FBXO27: variants seen among roughly 807,000 people sequenced by gnomAD.
The protein encoded by FBXO27 is F-box only protein 27.
In FBXO27, 28 loss-of-function variants were observed where a neutral mutation model predicts 28.3. The ratio of observed to expected loss-of-function variants is 0.99; its 90% CI spans 0.73 to 1.36. The LOEUF is 1.36. FBXO27 is among the 40% of genes most tolerant of loss of function. The pLI is 0.00. For missense variants in FBXO27, 388 were observed against 394.1 expected, an observed-to-expected ratio of 0.98 and a Z score of 0.13; for synonymous variants, 175 against 167.3, an observed-to-expected ratio of 1.05 and a Z score of -0.36.
intron 2 of FBXO27, among the ~76,000 whole-genome samples, chr19:39,010,146 T>A (rs2072788106): frequency 6.6e-6 from 1 of 151,264 alleles, no homozygotes; most frequent in East Asian, 1.9e-4. Flanking sequence ...AAATTTACTT[T>A]TTTTTTTCCT....
intron 2 of FBXO27, among the ~76,000 whole-genome samples, chr19:39,007,080 A>AC (rs1555756543): frequency 0.015 from 2,042 of 138,454 alleles, 175 homozygotes; most frequent in African/African-American, 0.058. Flanking sequence ...AAAAAAAAAT[A>AC]CAGAAAAGTA....
At chr19:39,030,052 G>C (rs1248014806) in intron 4 of FBXO27, among the ~76,000 whole-genome samples, 1 of 152,100 alleles carries the variant, frequency 6.6e-6, no homozygotes. Context: ...ATGCTGGCCA[G>C]GCTGGTCTCG....
chr19:39,011,153 G>A (rs1419681288), intron 2 of FBXO27, among the ~76,000 whole-genome samples: 4 of 152,236 alleles, frequency 2.6e-5, no homozygotes, highest in South Asian at 2.1e-4. Context: ...ACAAGTGGCC[G>A]GGTGCAGTGG....
chr19:39,027,888 G>A (rs916920548), intron 4 of FBXO27, among the ~76,000 whole-genome samples: 43 of 152,088 alleles, frequency 2.8e-4, no homozygotes, highest in Non-Finnish European at 5.6e-4. Flanking sequence ...TGTCAGAAGC[G>A]AGGATGGTCT....
downstream of FBXO27, among the ~76,000 whole-genome samples, chr19:39,020,038 C>A (rs1352231943): frequency 1.3e-5 from 2 of 152,116 alleles, no homozygotes; most frequent in African/African-American, 4.8e-5. Context: ...CAGGCAGGAG[C>A]CACACCTCGC....
At chr19:39,008,544 T>A (rs1167326080) in intron 2 of FBXO27, among the ~76,000 whole-genome samples, 1 of 152,148 alleles carries the variant, frequency 6.6e-6, no homozygotes, top group Non-Finnish European at 1.5e-5. Flanking sequence ...CATTTAAAAA[T>A]GTATATAATT....
chr19:39,006,527 C>T (rs971053813), intron 2 of FBXO27, among the ~76,000 whole-genome samples: 10 of 152,014 alleles, frequency 6.6e-5, no homozygotes, highest in Non-Finnish European at 1.5e-4. Context: ...CCACTGAACA[C>T]CAGCCTGGGC....
chr19:39,017,662 C>CAA (rs58873231), intron 1 of FBXO27, among the ~76,000 whole-genome samples: 75,792 of 140,868 alleles, frequency 0.54, 20,155 homozygotes, highest in Middle Eastern at 0.59. Context: ...GAGACTGTCT[C>CAA]AAAAAAAAAA....
chr19:39,022,687 G>A (rs762001346), downstream of FBXO27, among the ~76,000 whole-genome samples: 14 of 152,152 alleles, frequency 9.2e-5, no homozygotes, highest in Non-Finnish European at 1.5e-4. Context: ...AGCGATCTTG[G>A]ATCACTGCAA....
Position 39,031,241 on chromosome 19 carries a change from G to C in FBXO27, c.444C>G (p.Ala148=), listed in dbSNP as rs148257967. 2 of 1,614,090 alleles carry C rather than the reference G, an allele frequency of 1.2e-6. No individual in the cohort carries two copies. The highest frequency in any genetic ancestry group is 2.2e-5 in the East Asian group (1 of 44,878). The part of the protein sequence containing the change: ...VEENRTTVPG[A]PSQTCFVTSF... ...AAGTCACGAAGCACGTCTGAGAAGG[G>C]GCCCCAGGCACGGTTGTCCTGTTTT... is the stretch of plus-strand genomic sequence containing the variant. Residue 148 remains alanine (A), a synonymous_variant, in exon 3 of 6, where the codon GCC becomes GCG. Coordinates refer to ENST00000292853, the MANE Select transcript of FBXO27 (RefSeq NM_178820.5).
In FBXO27 at chr19:39,031,272, A is replaced by C. The variant is rs767112070; in HGVS notation, c.413T>G (p.Val138Gly). ...AGGCACGGTTGTCCTGTTTTCCTCC[A>C]CCACCCAGCCGTCCCCACCGTGTTG... ...MVQHGGDGWVVEENRTTVPGA... is the reference protein window; with the variant it reads ...MVQHGGDGWVGEENRTTVPGA... Residue 138 changes from valine to glycine, a missense_variant, in exon 3 of 6, where the codon GTG (valine) becomes GGG (glycine). Transcript: ENST00000292853. The C allele has an allele frequency of 7.4e-6, 12 of 1,613,818 alleles. No individual in the cohort carries two copies. Among genetic ancestry groups the C allele is most frequent in the Non-Finnish European group, 8.5e-6 (10 of 1,179,940 alleles).
chr19:39,022,495 G>T (rs958790849), downstream of FBXO27, among the ~76,000 whole-genome samples: 2 of 151,848 alleles, frequency 1.3e-5, no homozygotes, highest in African/African-American at 4.8e-5. Flanking sequence ...CACCCAGGCT[G>T]GAGTGCAGTG....
At chr19:39,009,805 G>A (rs374561344) in intron 2 of FBXO27, among the ~76,000 whole-genome samples, 29 of 151,318 alleles carry the variant, frequency 1.9e-4, no homozygotes, top group African/African-American at 6.6e-4. Context: ...TTTTTTTTTT[G>A]TTGTTGTTGT....
At chr19:39,017,574 A>G (rs762420694) in intron 1 of FBXO27, among the ~76,000 whole-genome samples, 2 of 151,564 alleles carry the variant, frequency 1.3e-5, no homozygotes, top group African/African-American at 2.4e-5. Flanking sequence ...ACGTGCCTGT[A>G]ATGCCACTTA....
intron 5 of FBXO27, among the ~76,000 whole-genome samples, chr19:39,026,106 G>C (rs2072871783): frequency 6.6e-6 from 1 of 152,132 alleles, no homozygotes; most frequent in South Asian, 2.1e-4. Context: ...ATGATGCTCA[G>C]TGACTTTGGC....
intron 1 of FBXO27, among the ~76,000 whole-genome samples, chr19:39,018,371 A>G (rs966835637): frequency 1.3e-5 from 2 of 152,224 alleles, no homozygotes; most frequent in African/African-American, 4.8e-5. Flanking sequence ...GAAGTGTTGT[A>G]TCAGCTTAAA....
At position 39,031,995 on chromosome 19, in the gene FBXO27, G is replaced by C; in HGVS notation, c.233C>G (p.Thr78Ser). 2 of 1,517,242 alleles carry C rather than the reference G, an allele frequency of 1.3e-6. No homozygotes were observed. The highest frequency in any genetic ancestry group is 5.3e-5 in the East Asian group (2 of 37,820). 94.0% of individuals were successfully genotyped at this position (1,517,242 alleles called of 1,614,324 possible). A position where few individuals can be genotyped will look rare whatever the true frequency, so the allele number is the denominator to read the frequency against. Residue 78 changes from threonine (T) to serine (S), a missense_variant, in exon 2 of 6, where the codon ACC (threonine) becomes AGC (serine). Physicochemically the swap from Thr to Ser is moderately conservative, Grantham distance 58. Coordinates refer to ENST00000292853, the MANE Select transcript of FBXO27 (RefSeq NM_178820.5). ...LLILARDHGATGRALLHLARS... is the reference protein window; with the variant it reads ...LLILARDHGASGRALLHLARS... ...GGCGAGGTGCAGCAGCGCGCGGCCGGTGGCGCCGTGGTCGCGGGCCAGGAT... is the reference window on the plus strand; with the variant it reads ...GGCGAGGTGCAGCAGCGCGCGGCCGCTGGCGCCGTGGTCGCGGGCCAGGAT...
intron 2 of FBXO27, among the ~76,000 whole-genome samples, chr19:39,012,406 A>G (rs1469397219): frequency 2.9e-5 from 4 of 137,036 alleles, no homozygotes; most frequent in East Asian, 2.3e-4. Flanking sequence ...CTGGTCTCAA[A>G]CTCCCGACCT....
In FBXO27 at chr19:39,011,440, AT is replaced by A. The variant is rs890135674; in HGVS notation, c.252+2946del. The stretch of plus-strand genomic sequence containing the variant: ...GAGCGAAACTCTCTCTCTCAAAACA[AT>A]TTTTTTTTGATAGGCATTGCAACTG... On this transcript the variant is annotated intron_variant, in intron 2 of 2. Coordinates refer to the FBXO27 transcript ENST00000598394. Among the ~76,000 whole-genome samples, 7 of 151,796 alleles carry A rather than the reference AT, an allele frequency of 4.6e-5. No individual in the cohort carries two copies. The South Asian group carries it at 6.2e-4, about 13-fold the overall frequency.
Sources: allele counts gnomAD v4.1 joint callset (sites outside exome capture counted in the v4.1 genomes callset), GRCh38; gene constraint gnomAD v4.1.1; transcripts MANE v1.5; gene names NCBI Gene and HGNC (gene_info 2026-07-23, HGNC 2026-07-21).